Variants in PALM2AKAP2 observed in about 807,000 individuals in gnomAD.
PALM2AKAP2 encodes the protein PALM2 and AKAP2 fusion.
PALM2AKAP2 carries 37 observed loss-of-function variants against 71.5 expected under a neutral mutation model. The observed-to-expected ratio is 0.52, with a 90% CI of 0.40 to 0.68. PALM2AKAP2 has a LOEUF of 0.68. PALM2AKAP2 is among the 30% of genes least tolerant of loss of function. The pLI is 0.00. For missense variants in PALM2AKAP2, 1,224 were observed against 1,191.8 expected (o/e 1.03, Z -0.40); for synonymous variants, 468 against 478.8 (o/e 0.98, Z 0.29).
At chr9:109,757,453 C>G (rs1282440920) in intron 1 of PALM2AKAP2, among the ~76,000 whole-genome samples, 1 of 152,112 alleles carries the variant, frequency 6.6e-6, no homozygotes, top group Non-Finnish European at 1.5e-5. Flanking sequence ...CACTAAAAGT[C>G]TCCTATGGTC....
At chr9:109,712,995 T>C (rs1301804303) in intron 1 of PALM2AKAP2, among the ~76,000 whole-genome samples, 2 of 152,204 alleles carry the variant, frequency 1.3e-5, no homozygotes, top group Non-Finnish European at 2.9e-5. Context: ...ACAGTCCAGA[T>C]GAATGGATGG....
intron 1 of PALM2AKAP2, among the ~76,000 whole-genome samples, chr9:109,659,155 T>A (rs10816848): frequency 0.43 from 65,930 of 152,076 alleles, 14,695 homozygotes; most frequent in Middle Eastern, 0.55. Flanking sequence ...TTTTTGTGTG[T>A]GAAGGAGGGA....
At chr9:110,076,292 A>G (rs939266919) in intron 1 of PALM2AKAP2, among the ~76,000 whole-genome samples, 2 of 151,846 alleles carry the variant, frequency 1.3e-5, no homozygotes, top group Admixed American at 6.6e-5. Flanking sequence ...TTTTACCTAG[A>G]TAAATGCTTT....
At chr9:109,969,088 GCACACACA>G (rs34057385) in intron 6 of PALM2AKAP2, among the ~76,000 whole-genome samples, 2 of 149,602 alleles carry the variant, frequency 1.3e-5, no homozygotes, top group Non-Finnish European at 3.0e-5. Context: ...AAATGTGCGT[GCACACACA>G]CACACACACA....
At chr9:110,020,226 G>T (rs1833049453) in intron 7 of PALM2AKAP2, among the ~76,000 whole-genome samples, 1 of 152,174 alleles carries the variant, frequency 6.6e-6, no homozygotes, top group Non-Finnish European at 1.5e-5. Context: ...TGTGATAAAG[G>T]TGTCTATTTT....
chr9:109,838,263 G>A (rs924839863), intron 1 of PALM2AKAP2, among the ~76,000 whole-genome samples: 1 of 152,178 alleles, frequency 6.6e-6, no homozygotes, highest in Non-Finnish European at 1.5e-5. Context: ...TGAACAACCT[G>A]CTCCTGAATG....
At chr9:109,745,165 C>T (rs969511925) in intron 1 of PALM2AKAP2, among the ~76,000 whole-genome samples, 2 of 152,140 alleles carry the variant, frequency 1.3e-5, no homozygotes, top group African/African-American at 4.8e-5. Flanking sequence ...ACTGCCATGA[C>T]CAGCGATAGG....
chr9:110,171,283 T>C (rs942691582), exon 4 of PALM2AKAP2: 2 of 152,080 alleles, frequency 1.3e-5, no homozygotes, highest in South Asian at 4.1e-4. Flanking sequence ...AATAACAGAG[T>C]TCTAGAGCTG....
rs5899875 is a variant in PALM2AKAP2 at position 110,068,087 on chromosome 9, C to CTTTTT, written c.156+19245_156+19249dup. On this transcript the variant is annotated intron_variant, in intron 1 of 3. Transcript: ENST00000374525. ...GTTGTATTTGCTTATGTTCCAAACTCTTTTTTTTTTTTTTTTTGGTAAGAT... is the reference window on the plus strand; with the variant it reads ...GTTGTATTTGCTTATGTTCCAAACTCTTTTTTTTTTTTTTTTTTTTTTGGTAAGAT... Among the ~76,000 whole-genome samples, 190 of 122,926 alleles carry CTTTTT rather than the reference C, an allele frequency of 1.5e-3. 8 individuals carry two copies. Among genetic ancestry groups the CTTTTT allele is most frequent in the African/African-American group, 3.5e-3 (102 of 29,210 alleles). 80.6% of individuals were successfully genotyped at this position (122,926 alleles called of 152,430 possible). A position where few individuals can be genotyped will look rare whatever the true frequency, so the allele number is the denominator to read the frequency against.
At chr9:109,932,267 G>A (rs781561798) in intron 6 of PALM2AKAP2, among the ~76,000 whole-genome samples, 2 of 152,200 alleles carry the variant, frequency 1.3e-5, no homozygotes, top group Admixed American at 6.5e-5. Flanking sequence ...CCGACTTCGG[G>A]GGAGTCTTTC....
chr9:110,094,011 G>A (rs978710013), intron 1 of PALM2AKAP2, among the ~76,000 whole-genome samples: 4 of 152,170 alleles, frequency 2.6e-5, no homozygotes, highest in East Asian at 1.9e-4. Flanking sequence ...ACAGGTGAGC[G>A]CTACTAGTTG....
intron 2 of PALM2AKAP2, among the ~76,000 whole-genome samples, chr9:109,868,954 A>G (rs931855954): frequency 6.6e-6 from 1 of 152,200 alleles, no homozygotes; most frequent in African/African-American, 2.4e-5. Context: ...TGAATTGTTC[A>G]AGGTCAATCT....
chr9:109,896,088 G>A (rs1179992693), intron 3 of PALM2AKAP2, among the ~76,000 whole-genome samples: 1 of 152,132 alleles, frequency 6.6e-6, no homozygotes, highest in African/African-American at 2.4e-5. Context: ...GGGAGGCTGA[G>A]GCAGGAGAAC....
rs1832595392 is a variant in PALM2AKAP2 at position 109,997,485 on chromosome 9, T to C, written c.497-18469T>C. Among the ~76,000 whole-genome samples the C allele has an allele frequency of 2.6e-5, 4 of 152,062 alleles. No homozygotes were observed. In the South Asian group the frequency reaches 8.3e-4, roughly 32 times the overall value. ...GACATGGGGCCACACTGGCAAGACA[T>C]TGAGGGTTTTATATACACATATATA... On this transcript the variant is annotated intron_variant, in intron 6 of 9. Transcript: ENST00000302798.
At chr9:109,648,564 T>C (rs1013451002) in intron 1 of PALM2AKAP2, among the ~76,000 whole-genome samples, 1 of 152,152 alleles carries the variant, frequency 6.6e-6, no homozygotes, top group Non-Finnish European at 1.5e-5. Context: ...TGGAGAGTGA[T>C]GGGAGGGTTA....
intron 1 of PALM2AKAP2, among the ~76,000 whole-genome samples, chr9:110,056,251 G>T (rs920455590): frequency 1.3e-5 from 2 of 152,228 alleles, no homozygotes; most frequent in Non-Finnish European, 2.9e-5. Flanking sequence ...TCCCAGTGCA[G>T]CTGACTGCGT....
At chr9:110,037,862 G>A (rs1265870234) in intron 7 of PALM2AKAP2, among the ~76,000 whole-genome samples, 5 of 152,150 alleles carry the variant, frequency 3.3e-5, no homozygotes, top group African/African-American at 1.2e-4. Context: ...TATGAGTCTG[G>A]AGTTCCATGG....
At chr9:109,851,501 C>G (rs1829018110) in intron 1 of PALM2AKAP2, among the ~76,000 whole-genome samples, 1 of 152,164 alleles carries the variant, frequency 6.6e-6, no homozygotes, top group Non-Finnish European at 1.5e-5. Flanking sequence ...AATCTTCCTC[C>G]AGACTACAGT....
At chr9:109,880,525 T>C (rs1486597476) in intron 2 of PALM2AKAP2, 26 bp from the exon 3 acceptor site, 1 of 1,611,458 alleles carries the variant, frequency 6.2e-7, no homozygotes, top group African/African-American at 1.3e-5. Context: ...TATCATCTTG[T>C]CTGTTGTCTT....
Sources: allele counts gnomAD v4.1 joint callset (sites outside exome capture counted in the v4.1 genomes callset), GRCh38; gene constraint gnomAD v4.1.1; transcripts MANE v1.5; gene names NCBI Gene and HGNC (gene_info 2026-07-23, HGNC 2026-07-21).